HUNK: variants seen among roughly 807,000 people sequenced by gnomAD.
HUNK encodes the protein hormonally up-regulated Neu-associated kinase.
HUNK carries 21 observed loss-of-function variants against 61.0 expected under a neutral mutation model. The ratio of observed to expected loss-of-function variants is 0.34; its 90% CI spans 0.24 to 0.50. The LOEUF (loss-of-function observed/expected upper bound fraction) is 0.50. HUNK is among the 20% of genes least tolerant of loss of function. The pLI is 0.98. For synonymous variants in HUNK, 371 were observed against 386.1 expected (o/e 0.96, Z 0.46); for missense variants, 772 against 945.7 (o/e 0.82, Z 2.41).
chr21:31,988,235 A>AC (rs918434434), intron 8 of HUNK, among the ~76,000 whole-genome samples: 8 of 151,902 alleles, frequency 5.3e-5, no homozygotes, highest in African/African-American at 1.4e-4. Context: ...GAAAAAGAGA[A>AC]CCCCCCAGGA....
intron 1 of HUNK, among the ~76,000 whole-genome samples, chr21:31,897,815 A>G (rs2052435545): frequency 6.6e-6 from 1 of 152,096 alleles, no homozygotes; most frequent in Non-Finnish European, 1.5e-5. Context: ...CTGGGCATTG[A>G]TGTTTCTTGG....
chr21:31,955,425 C>T (rs191898714), intron 4 of HUNK, among the ~76,000 whole-genome samples: 3 of 123,670 alleles, frequency 2.4e-5, no homozygotes, highest in Admixed American at 8.0e-5. Flanking sequence ...CCCGTCTCTA[C>T]GAAAAAAAAA....
At position 31,900,446 on chromosome 21, in the gene HUNK, AACAC is replaced by A. The variant is rs3138690; in HGVS notation, c.262-23992_262-23989del. Among the ~76,000 whole-genome samples the A allele has an allele frequency of 1.0e-3, 144 of 143,120 alleles. 2 individuals are homozygous for A. In the East Asian group the frequency reaches 0.015, roughly 15 times the overall value. 93.9% of individuals were successfully genotyped at this position (143,120 alleles called of 152,430 possible). On this transcript the variant is annotated intron_variant, in intron 1 of 10. Transcript: ENST00000270112. ...GCTAGAACCAGGTCTTAGTTACTGA[AACAC>A]ACACACACACACACACACACACACA...
At chr21:31,911,500 C>T (rs1225717881) in intron 1 of HUNK, among the ~76,000 whole-genome samples, 5 of 152,178 alleles carry the variant, frequency 3.3e-5, no homozygotes, top group African/African-American at 1.2e-4. Context: ...GCGGGTCAAG[C>T]CGAGGGAGCC....
rs1467328163 is a variant in HUNK at position 32,000,021 on chromosome 21, T to C, written c.*837T>C. Reference sequence around the variant, plus strand: ...AAAAAAGCTGACTGTGGTGATTTGCTGAGTGCTGTGGCCCACAGGCAGGGC... The same window carrying C: ...AAAAAAGCTGACTGTGGTGATTTGCCGAGTGCTGTGGCCCACAGGCAGGGC... On this transcript the variant is annotated 3_prime_UTR_variant, in exon 11 of 11. Coordinates refer to ENST00000270112, the MANE Select transcript of HUNK (RefSeq NM_014586.2). 2 of 397,110 alleles carry C rather than the reference T, an allele frequency of 5.0e-6. No homozygotes were observed. Among genetic ancestry groups the C allele is most frequent in the African/African-American group, 4.1e-5 (2 of 48,368 alleles). 24.6% of individuals were successfully genotyped at this position (397,110 alleles called of 1,614,324 possible).
At chr21:31,918,870 T>C (rs774103221) in intron 1 of HUNK, among the ~76,000 whole-genome samples, 9 of 152,132 alleles carry the variant, frequency 5.9e-5, no homozygotes, top group Non-Finnish European at 1.0e-4. Flanking sequence ...TGGGAGGCCA[T>C]TTTTCGACTT....
chr21:31,962,677 C>T (rs1568935819), intron 5 of HUNK, among the ~76,000 whole-genome samples: 1 of 152,242 alleles, frequency 6.6e-6, no homozygotes. Flanking sequence ...GCATGAATTG[C>T]ATTTCTATAT....
At chr21:31,931,900 T>G (rs914836444) in intron 2 of HUNK, among the ~76,000 whole-genome samples, 10 of 152,280 alleles carry the variant, frequency 6.6e-5, no homozygotes, top group Middle Eastern at 3.4e-3. Flanking sequence ...CAACCCTGGA[T>G]GCATGTGATG....
chr21:31,906,251 G>A (rs994917600), intron 1 of HUNK, among the ~76,000 whole-genome samples: 2 of 151,352 alleles, frequency 1.3e-5, no homozygotes, highest in South Asian at 2.1e-4. Context: ...GAGGCATACC[G>A]AGGTTAAGTT....
At chr21:31,904,924 A>C (rs1204059865) in intron 1 of HUNK, among the ~76,000 whole-genome samples, 3 of 152,032 alleles carry the variant, frequency 2.0e-5, no homozygotes, top group African/African-American at 4.8e-5. Flanking sequence ...GTCTGTACTA[A>C]AAATAGTAGC....
chr21:31,998,856 G>A lies in HUNK; in HGVS notation c.1817G>A (p.Gly606Glu). ...ERTLSPGLPSGSMSPLHTPLH... is the reference protein window; with the variant it reads ...ERTLSPGLPSESMSPLHTPLH... The stretch of plus-strand genomic sequence containing the variant: ...ACGCTGTCCCCGGGTCTGCCATCCG[G>A]AAGCATGTCGCCTCTCCATACTCCT... Residue 606 changes from glycine (G) to glutamate (E), a missense_variant, in exon 11 of 11, where the codon GGA becomes GAA. Physicochemically the swap from Gly to Glu is moderately conservative, Grantham distance 98. Transcript: ENST00000270112. 1 of 1,614,198 alleles carries A rather than the reference G, an allele frequency of 6.2e-7. No homozygotes were observed. The highest frequency in any genetic ancestry group is 8.5e-7 in the Non-Finnish European group (1 of 1,180,048).
chr21:31,973,658 C>T (rs1486801454), intron 6 of HUNK, among the ~76,000 whole-genome samples: 5 of 152,026 alleles, frequency 3.3e-5, no homozygotes, highest in Non-Finnish European at 7.4e-5. Context: ...ACACTGAACC[C>T]GGCTGCCGGT....
chr21:31,991,741 G>A (rs1020881102), intron 9 of HUNK, among the ~76,000 whole-genome samples: 2 of 152,166 alleles, frequency 1.3e-5, no homozygotes, highest in Non-Finnish European at 2.9e-5. Flanking sequence ...AGCCCATGTC[G>A]AACTGGACTT....
rs1023605719 is a variant in HUNK, at chr21:32,000,492, G to GGCCT, written c.*1309_*1310insCCTG. 4.4e-4 allele frequency: 176 copies of GGCCT among 399,244 alleles called. No homozygotes were observed. The highest frequency in any genetic ancestry group is 3.4e-3 in the African/African-American group (166 of 48,768). The allele number at this position is 399,244 out of a possible 1,614,324, so 24.7% of individuals were successfully genotyped here. On this transcript the variant is annotated 3_prime_UTR_variant, in exon 11 of 11. Transcript: ENST00000270112. ...GACTGTATCCAGCTGGCACTTGACA[G>GGCCT]GGTGCAGTCATTGGTGAGAAGAATC...
In HUNK at chr21:31,924,812, A is replaced by T. The variant is rs930535095; in HGVS notation, c.554+52A>T. The T allele has an allele frequency of 1.3e-6, 2 of 1,503,606 alleles. No individual in the cohort carries two copies. Among genetic ancestry groups the T allele is most frequent in the Non-Finnish European group, 1.8e-6 (2 of 1,115,860 alleles). 93.1% of individuals were successfully genotyped at this position (1,503,606 alleles called of 1,614,324 possible). On this transcript the variant is annotated intron_variant, in intron 2 of 10. Coordinates refer to ENST00000270112, the MANE Select transcript of HUNK (RefSeq NM_014586.2). This position sits in a 1 kb window ranked among gnomAD's most constrained non-coding sequence, Gnocchi z 5.1. Reference sequence around the variant, plus strand: ...GCTGACTGTGTGCTCCGTGGGTGGCACTGGGCTGTGGCACCCTCTGAGCCT... The same window carrying T: ...GCTGACTGTGTGCTCCGTGGGTGGCTCTGGGCTGTGGCACCCTCTGAGCCT...
At chr21:31,973,377 A>G (rs561568238) in intron 6 of HUNK, among the ~76,000 whole-genome samples, 174 of 152,074 alleles carry the variant, frequency 1.1e-3, no homozygotes, top group African/African-American at 3.7e-3. Flanking sequence ...TTATTGTTCA[A>G]TTCCCACCTA....
At chr21:31,890,915 A>G (rs888681099) in intron 1 of HUNK, among the ~76,000 whole-genome samples, 1 of 151,796 alleles carries the variant, frequency 6.6e-6, no homozygotes, top group Non-Finnish European at 1.5e-5. Context: ...TGTTTATCTT[A>G]TTGGTTTATA....
intron 1 of HUNK, among the ~76,000 whole-genome samples, chr21:31,874,184 C>T (rs906090189): frequency 1.3e-5 from 2 of 150,750 alleles, no homozygotes; most frequent in African/African-American, 2.4e-5. Context: ...GGAAGCGTCC[C>T]GCGCGGCCGT....
At chr21:31,907,925 G>A (rs1445138151) in intron 1 of HUNK, among the ~76,000 whole-genome samples, 1 of 152,070 alleles carries the variant, frequency 6.6e-6, no homozygotes, top group East Asian at 1.9e-4. Context: ...GGGAGACGGA[G>A]GTTGCAGTGA....
Sources: gnomAD v4.1 joint callset for allele counts (sites outside exome capture counted in the v4.1 genomes callset) on GRCh38, gnomAD v4.1.1 for gene constraint, Gnocchi (gnomAD v3.1) non-coding constraint, MANE v1.5 for transcripts, NCBI Gene and HGNC (gene_info 2026-07-23, HGNC 2026-07-21) for gene names.